Variants in ABR observed in about 807,000 individuals in gnomAD.
ABR encodes the protein ABR activator of RhoGEF and GTPase.
Under a neutral mutation model 107.2 loss-of-function variants are expected in ABR, and 35 were observed. The observed-to-expected ratio is 0.33, with a 90% confidence interval of 0.25 to 0.43. The LOEUF (loss-of-function observed/expected upper bound fraction) is 0.43, where lower values mean the gene tolerates loss of function less well. ABR is among the 20% of genes least tolerant of loss of function. The pLI is 1.00. For synonymous variants in ABR, 498 were observed against 462.0 expected (o/e 1.08, Z -1.00); for missense variants, 815 against 1,115.2 (o/e 0.73, Z 3.83).
Position 1,069,912 on chromosome 17 carries a change from C to A in ABR, c.1016+57G>T, listed in dbSNP as rs1357983173. The A allele has an allele frequency of 1.3e-4, 148 of 1,171,676 alleles. 1 individual carries two copies. The African/African-American group carries it at 2.4e-3, about 19-fold the overall frequency. 72.6% of individuals were successfully genotyped at this position (1,171,676 alleles called of 1,614,324 possible). A position where few individuals can be genotyped will look rare whatever the true frequency, so the allele number is the denominator to read the frequency against. On this transcript the variant is annotated intron_variant, in intron 9 of 22. Coordinates refer to ENST00000302538, the MANE Select transcript of ABR (RefSeq NM_021962.5). ...CCCCCGCCCCGGACTCGCACACTCA[C>A]CCCGCAGAGGTCCGGACCCCCTCCC... is the stretch of plus-strand genomic sequence containing the variant.
At chr17:1,190,932 G>T (rs1053952387), upstream of ABR, among the ~76,000 whole-genome samples, 2 of 152,314 alleles carry the variant, frequency 1.3e-5, no homozygotes, top group South Asian at 2.1e-4. Context: ...GATAGAAATG[G>T]ATTCTGGGCC....
intron 16 of ABR, among the ~76,000 whole-genome samples, chr17:1,039,319 C>T (rs1490494940): frequency 1.3e-5 from 2 of 152,194 alleles, no homozygotes; most frequent in East Asian, 3.9e-4. Flanking sequence ...CTGGATGCTT[C>T]CTGCCCAGAA....
intron 1 of ABR, among the ~76,000 whole-genome samples, chr17:1,201,331 G>A (rs2042667060): frequency 6.6e-6 from 1 of 152,146 alleles, no homozygotes; most frequent in East Asian, 1.9e-4. Context: ...CTTCAGTAAT[G>A]ACGGTAAGTG....
At chr17:1,153,789 TGG>T (rs1337620307) in intron 1 of ABR, 1 of 207,012 alleles carries the variant, frequency 4.8e-6, no homozygotes, top group Non-Finnish European at 9.7e-6. Context: ...GCGGGAGGGC[TGG>T]GGGTCCAGGC....
At chr17:1,114,779 A>AT (rs1343580459) in intron 2 of ABR, among the ~76,000 whole-genome samples, 1 of 152,158 alleles carries the variant, frequency 6.6e-6, no homozygotes, top group African/African-American at 2.4e-5. Flanking sequence ...TCTCAAAAAA[A>AT]AAAAGCAGTG....
intron 3 of ABR, 29 bp from the exon 4 acceptor site, chr17:1,091,879 A>G: frequency 6.3e-7 from 1 of 1,599,078 alleles, no homozygotes; most frequent in Non-Finnish European, 8.5e-7. Context: ...GAAAGAGCAG[A>G]GGTCGGGGGT....
chr17:1,012,769 G>A lies in ABR; in HGVS notation c.1880C>T (p.Thr627Ile), dbSNP rs1449037249. The A allele has an allele frequency of 1.9e-6, 3 of 1,593,086 alleles. No individual in the cohort carries two copies. Among genetic ancestry groups the A allele is most frequent in the Admixed American group, 3.5e-5 (2 of 57,016 alleles). Residue 627 changes from threonine (T) to isoleucine (I), a missense_variant, in exon 18 of 23, where the codon ACC (threonine) becomes ATC (isoleucine). Transcript: ENST00000302538. ...GIKVEFSMKF[T>I]SRDMSLKRTP... ...CCTCTTCAGGCTCATATCTCGGCTG[G>A]TGAATTTCATGGAAAATTCCACTTT... is the stretch of plus-strand genomic sequence containing the variant.
chr17:1,101,947 A>C (rs559725951), intron 2 of ABR, among the ~76,000 whole-genome samples: 20 of 151,988 alleles, frequency 1.3e-4, no homozygotes, highest in East Asian at 3.9e-4. Context: ...GTTAGCCAGG[A>C]TGGTCTCGAT....
chr17:1,179,596 C>T lies in ABR; in HGVS notation c.61+71G>A, dbSNP rs935217415. 1 of 1,398,846 alleles carries T rather than the reference C, an allele frequency of 7.1e-7. No homozygotes were observed. The highest frequency in any genetic ancestry group is 9.4e-7 in the Non-Finnish European group (1 of 1,062,666). 86.7% of individuals were successfully genotyped at this position (1,398,846 alleles called of 1,614,324 possible). On this transcript the variant is annotated intron_variant, in intron 1 of 22. Transcript: ENST00000302538. This position sits in a 1 kb window ranked among gnomAD's most constrained non-coding sequence, Gnocchi z 4.9. ...CGATCTTGGGGTCCCGATCCCGATC[C>T]TGGGGTCCCGATCTCCATCCTGGGG...
intron 1 of ABR, among the ~76,000 whole-genome samples, chr17:1,152,816 G>GGGCGC (rs1232169116): frequency 6.6e-6 from 1 of 151,552 alleles, no homozygotes; most frequent in Non-Finnish European, 1.5e-5. Context: ...GACACAGGCC[G>GGGCGC]GGCGCGGTGG....
chr17:1,178,237 C>T (rs1157643124), intron 1 of ABR, among the ~76,000 whole-genome samples: 1 of 152,092 alleles, frequency 6.6e-6, no homozygotes, highest in East Asian at 1.9e-4. Flanking sequence ...CCCCCCACCC[C>T]CCCCATATGA....
At chr17:1,135,021 AC>A (rs1779383261) in intron 1 of ABR, among the ~76,000 whole-genome samples, 1 of 152,174 alleles carries the variant, frequency 6.6e-6, no homozygotes, top group South Asian at 2.1e-4. Context: ...TGCTATTATT[AC>A]TGTTATTAAT....
At chr17:1,012,898 C>T (rs1350199209) in intron 17 of ABR, 101 bp from the exon 18 acceptor site, 6 of 1,115,750 alleles carry the variant, frequency 5.4e-6, no homozygotes, top group Admixed American at 4.0e-5. Context: ...CAAATGAGGG[C>T]TAGCTCACAC....
At chr17:1,134,411 C>T in intron 1 of ABR, among the ~76,000 whole-genome samples, 1 of 150,886 alleles carries the variant, frequency 6.6e-6, no homozygotes. Flanking sequence ...GACTCCCTCT[C>T]AAAAAAATAA....
rs75155200 is a variant in ABR at position 1,148,444 on chromosome 17, C to A, written c.62-23077G>T. ...GGCCAGGAGCTGGGGGCTGGAGAAA[C>A]GGGGAGCTGTTGTTCAATACAGGGG... is the stretch of plus-strand genomic sequence containing the variant. On this transcript the variant is annotated intron_variant, in intron 1 of 22. Coordinates refer to ENST00000302538, the MANE Select transcript of ABR (RefSeq NM_021962.5). This position sits in a 1 kb window ranked among gnomAD's most constrained non-coding sequence, Gnocchi z 4.9. Among the ~76,000 whole-genome samples, 1 of 152,202 alleles carries A rather than the reference C, an allele frequency of 6.6e-6. No individual in the cohort carries two copies. Among genetic ancestry groups the A allele is most frequent in the Admixed American group, 6.5e-5 (1 of 15,294 alleles).
chr17:1,223,901 C>T (rs959517422), intron 1 of ABR, among the ~76,000 whole-genome samples: 1 of 152,218 alleles, frequency 6.6e-6, no homozygotes, highest in Non-Finnish European at 1.5e-5. Flanking sequence ...CACCAGGTCC[C>T]TCCCTCGACA....
At chr17:1,046,426 A>G (rs911301152) in intron 16 of ABR, among the ~76,000 whole-genome samples, 34 of 151,900 alleles carry the variant, frequency 2.2e-4, no homozygotes, top group Admixed American at 1.3e-3. Context: ...GCGTGCCACC[A>G]CGCCTGGCTA....
rs1165273813 is a variant in ABR at position 1,200,920 on chromosome 17, G to T, written c.838+27873C>A. ...GGGCAGGGCTACAGCTTAGAGACTG[G>T]GAGAAAGCCTTGGGGTTGGCCAGGG... On this transcript the variant is annotated intron_variant, in intron 1 of 22. Transcript: ENST00000574139. The surrounding 1 kb of genome is among the most constrained non-coding windows in gnomAD (Gnocchi z 4.1). 6.6e-6 allele frequency among the ~76,000 whole-genome samples: 1 copy of T among 152,164 alleles called. No individual in the cohort carries two copies. Among genetic ancestry groups the T allele is most frequent in the East Asian group, 1.9e-4 (1 of 5,178 alleles).
At chr17:1,188,195 G>A (rs1170376533), upstream of ABR, among the ~76,000 whole-genome samples, 2 of 152,002 alleles carry the variant, frequency 1.3e-5, no homozygotes, top group South Asian at 2.1e-4. Flanking sequence ...GAGACAGAGC[G>A]AGACCCTGTC....
Sources: allele counts gnomAD v4.1 joint callset (sites outside exome capture counted in the v4.1 genomes callset), GRCh38; gene constraint gnomAD v4.1.1; non-coding constraint Gnocchi (gnomAD v3.1); transcripts MANE v1.5; gene names NCBI Gene and HGNC (gene_info 2026-07-23, HGNC 2026-07-21).